ZNF385C: variants seen among roughly 807,000 people sequenced by gnomAD.
ZNF385C encodes the protein zinc finger protein 385C, also known as CTD-2132N18.2.
ZNF385C carries 28 observed loss-of-function variants against 35.4 expected under a neutral mutation model. The observed-to-expected ratio is 0.79, with a 90% CI of 0.59 to 1.08. The LOEUF (loss-of-function observed/expected upper bound fraction) is 1.08. Ranked by LOEUF, ZNF385C falls within the 50% of genes least tolerant of loss-of-function variation. The probability of loss-of-function intolerance (pLI) is 0.00; values close to 1 mark genes in which losing one functional copy is unlikely to be tolerated. For synonymous variants in ZNF385C, 248 were observed against 248.2 expected, an observed-to-expected ratio of 1.00 and a Z score of 0.01; for missense variants, 605 against 595.6, an observed-to-expected ratio of 1.02 and a Z score of -0.16.
chr17:42,090,522 T>C (rs1371341868), intron 1 of ZNF385C, among the ~76,000 whole-genome samples: 2 of 151,536 alleles, frequency 1.3e-5, no homozygotes, highest in African/African-American at 4.8e-5. Flanking sequence ...TGACCCCAAG[T>C]GATCCACCCA....
intron 2 of ZNF385C, chr17:42,040,993 G>T: frequency 8.1e-7 from 1 of 1,232,298 alleles, no homozygotes; most frequent in Non-Finnish European, 1.0e-6. Context: ...GCCAGCAGTG[G>T]CCTCGCCCTC....
intron 1 of ZNF385C, among the ~76,000 whole-genome samples, chr17:42,063,924 C>T (rs1041098649): frequency 6.6e-6 from 1 of 152,240 alleles, no homozygotes; most frequent in South Asian, 2.1e-4. Context: ...ACCCCTGCTC[C>T]ACGTGGCTCC....
intron 5 of ZNF385C, 98 bp from the exon 6 acceptor site, chr17:42,029,171 T>C: frequency 7.4e-7 from 1 of 1,348,822 alleles, no homozygotes; most frequent in Non-Finnish European, 9.9e-7. Flanking sequence ...CCCTGGTGGA[T>C]GACCAGCACT....
chr17:42,033,962 A>C (rs1483679487), intron 4 of ZNF385C, among the ~76,000 whole-genome samples: 2 of 151,342 alleles, frequency 1.3e-5, no homozygotes, highest in Admixed American at 1.3e-4. Context: ...GATCCAGAAC[A>C]CAGGAGAGAG....
intron 2 of ZNF385C, among the ~76,000 whole-genome samples, chr17:42,059,788 A>G (rs1303392609): frequency 6.6e-6 from 1 of 152,090 alleles, no homozygotes; most frequent in African/African-American, 2.4e-5. Context: ...TGCCCGGCTA[A>G]TTTTTGTATT....
intron 2 of ZNF385C, among the ~76,000 whole-genome samples, chr17:42,060,917 G>A (rs2053450853): frequency 1.3e-5 from 2 of 152,070 alleles, no homozygotes; most frequent in Admixed American, 6.6e-5. Flanking sequence ...GTTTCGCCAT[G>A]TTGCCCAGGC....
intron 2 of ZNF385C, among the ~76,000 whole-genome samples, chr17:42,044,208 G>A (rs1555656396): frequency 6.6e-6 from 1 of 151,026 alleles, no homozygotes; most frequent in Non-Finnish European, 1.5e-5. Flanking sequence ...CTACTGGGGA[G>A]GTTGAGGCAG....
chr17:42,067,787 G>T lies in ZNF385C; in HGVS notation c.-2-4729C>A, dbSNP rs539210723. ...GGCAGGAAGAAGGTCTTAGGTGCAA[G>T]TGTTGGTGGGGGGAGAGGTCCCATT... On this transcript the variant is annotated intron_variant, in intron 1 of 8. Transcript: ENST00000692273. Among the ~76,000 whole-genome samples, 238 of 152,288 alleles carry T rather than the reference G, an allele frequency of 1.6e-3. 2 individuals are homozygous for T. The highest frequency in any genetic ancestry group is 5.6e-3 in the African/African-American group (232 of 41,558).
intron 2 of ZNF385C, chr17:42,038,198 AG>A: frequency 1.3e-6 from 1 of 747,184 alleles, no homozygotes; most frequent in East Asian, 2.7e-5. Flanking sequence ...GGGTCTGGGC[AG>A]GCCCTGACAC....
intron 2 of ZNF385C, chr17:42,043,218 T>C (rs1268738028): frequency 1.6e-6 from 2 of 1,232,118 alleles, no homozygotes; most frequent in Non-Finnish European, 2.0e-6. Context: ...GCTTGTTCCG[T>C]ACCAGGGCCT....
In ZNF385C at chr17:42,062,979, C is replaced by T. The variant is rs1555658132; in HGVS notation, c.78G>A (p.Arg26=). 1.4e-6 allele frequency: 1 copy of T among 693,478 alleles called. No homozygotes were observed. Among genetic ancestry groups the T allele is most frequent in the African/African-American group, 1.8e-5 (1 of 56,572 alleles). 43.0% of individuals were successfully genotyped at this position (693,478 alleles called of 1,614,324 possible). A position where few individuals can be genotyped will look rare whatever the true frequency, so the allele number is the denominator to read the frequency against. Residue 26 remains arginine, a synonymous_variant, in exon 2 of 9, where the codon CGG becomes CGA. Coordinates refer to ENST00000692273, the MANE Select transcript of ZNF385C (RefSeq NM_001392013.1). Reference sequence around the variant, plus strand: ...GCTTGGGCTTAGGTGGTTCTGGGGGCCGAGGGAGGCACTCAGCAGCTCCAG... The same window carrying T: ...GCTTGGGCTTAGGTGGTTCTGGGGGTCGAGGGAGGCACTCAGCAGCTCCAG... ...PISGAAECLP[R]PPEPPKPKRE...
intron 1 of ZNF385C, among the ~76,000 whole-genome samples, chr17:42,071,933 G>A (rs2053629406): frequency 6.6e-6 from 1 of 152,158 alleles, no homozygotes; most frequent in Non-Finnish European, 1.5e-5. Context: ...TCCTGGGACT[G>A]TTCCTGAGTT....
At position 42,068,954 on chromosome 17, in the gene ZNF385C, C is replaced by T. The variant is rs1301243269; in HGVS notation, c.-2-5896G>A. 3.9e-5 allele frequency among the ~76,000 whole-genome samples: 6 copies of T among 151,988 alleles called. No homozygotes were observed. In the South Asian group the frequency reaches 8.3e-4, roughly 21 times the overall value. Reference sequence around the variant, plus strand: ...TGTGCCTCGCAGAGACGGGCTACACCCTGGGTAGAAAGAGGTGGGGCCAGA... The same window carrying T: ...TGTGCCTCGCAGAGACGGGCTACACTCTGGGTAGAAAGAGGTGGGGCCAGA... On this transcript the variant is annotated intron_variant, in intron 1 of 8. Transcript: ENST00000692273.
intron 1 of ZNF385C, among the ~76,000 whole-genome samples, chr17:42,090,356 G>A (rs1555660420): frequency 1.4e-5 from 2 of 138,262 alleles, no homozygotes; most frequent in Admixed American, 8.1e-5. Context: ...GCGCGATCTC[G>A]GCTCACTGCA....
chr17:42,042,132 G>A (rs1286120634), intron 2 of ZNF385C, among the ~76,000 whole-genome samples: 3 of 152,016 alleles, frequency 2.0e-5, no homozygotes, highest in African/African-American at 4.8e-5. Context: ...AGCACTTTGC[G>A]GGGCCAAGGC....
chr17:42,077,340 C>T (rs1555659343), intron 1 of ZNF385C, among the ~76,000 whole-genome samples: 1 of 152,060 alleles, frequency 6.6e-6, no homozygotes. Flanking sequence ...AATATGTGCC[C>T]AACTAATAGT....
chr17:42,067,669 A>G (rs2053567273), intron 1 of ZNF385C, among the ~76,000 whole-genome samples: 1 of 152,052 alleles, frequency 6.6e-6, no homozygotes, highest in African/African-American at 2.4e-5. Context: ...GGAGCCCCCC[A>G]CCAATATTTT....
rs2052581763 is a variant in ZNF385C, at chr17:42,026,529, G to C, written c.*368C>G. 1.0e-5 allele frequency: 3 copies of C among 299,944 alleles called. No individual in the cohort carries two copies. Among genetic ancestry groups the C allele is most frequent in the Non-Finnish European group, 1.9e-5 (3 of 157,452 alleles). 18.6% of individuals were successfully genotyped at this position (299,944 alleles called of 1,614,324 possible). A position where few individuals can be genotyped will look rare whatever the true frequency, so the allele number is the denominator to read the frequency against. ...AAAGCCTAGGAATAGAGGTCAGAGA[G>C]TCGTCCCCTGGCTAGGAGAGGATGG... On this transcript the variant is annotated 3_prime_UTR_variant, in exon 9 of 9. Coordinates refer to ENST00000692273, the MANE Select transcript of ZNF385C (RefSeq NM_001392013.1).
intron 2 of ZNF385C, chr17:42,040,197 G>A: frequency 2.4e-6 from 3 of 1,231,580 alleles, no homozygotes; most frequent in Non-Finnish European, 3.0e-6. Flanking sequence ...CGGCCACGGC[G>A]TCCAGCGAAG....
Sources: gnomAD v4.1 joint callset for allele counts (sites outside exome capture counted in the v4.1 genomes callset) on GRCh38, gnomAD v4.1.1 for gene constraint, MANE v1.5 for transcripts, NCBI Gene and HGNC (gene_info 2026-07-23, HGNC 2026-07-21) for gene names.